The following NOL4L variants were observed in gnomAD, a reference collection of about 807,000 sequenced individuals.
The protein encoded by NOL4L is nucleolar protein 4-like.
NOL4L carries 7 observed loss-of-function variants against 64.5 expected under a neutral mutation model. The ratio of observed to expected loss-of-function variants is 0.11; its 90% CI spans 0.06 to 0.20. The LOEUF (loss-of-function observed/expected upper bound fraction) is 0.20, where lower values mean the gene tolerates loss of function less well. NOL4L is among the 10% of genes least tolerant of loss of function. The pLI, the probability that NOL4L is intolerant of heterozygous loss-of-function variation, is 1.00. For synonymous variants in NOL4L, 413 were observed against 401.0 expected (o/e 1.03, Z -0.36); for missense variants, 680 against 967.1 (o/e 0.70, Z 3.94).
chr20:32,477,124 A>G (rs948374361), intron 4 of NOL4L, among the ~76,000 whole-genome samples: 3 of 152,168 alleles, frequency 2.0e-5, no homozygotes, highest in African/African-American at 7.2e-5. Flanking sequence ...ACTCCACTCA[A>G]TACGCACACT....
chr20:32,496,970 G>A (rs1840646864), intron 4 of NOL4L, among the ~76,000 whole-genome samples: 6 of 146,426 alleles, frequency 4.1e-5, no homozygotes, highest in East Asian at 2.1e-4. Context: ...GGAGCTACCC[G>A]CCTGCCGGGA....
At chr20:32,465,655 T>C (rs902728041) in intron 5 of NOL4L, among the ~76,000 whole-genome samples, 2 of 152,202 alleles carry the variant, frequency 1.3e-5, no homozygotes, top group Non-Finnish European at 2.9e-5. Context: ...CAGGCCACCA[T>C]GTGTGAATGA....
chr20:32,556,452 C>G (rs1361341252), intron 1 of NOL4L, among the ~76,000 whole-genome samples: 1 of 152,192 alleles, frequency 6.6e-6, no homozygotes, highest in East Asian at 1.9e-4. Flanking sequence ...CTTCCTGATC[C>G]CCCATTCCAG....
intron 4 of NOL4L, among the ~76,000 whole-genome samples, chr20:32,507,349 C>T (rs1267366962): frequency 1.3e-5 from 2 of 152,156 alleles, no homozygotes; most frequent in Admixed American, 6.5e-5. Flanking sequence ...GGAGTCTAAC[C>T]CCCATAGCGG....
intron 4 of NOL4L, among the ~76,000 whole-genome samples, chr20:32,480,562 C>G (rs922464972): frequency 6.6e-6 from 1 of 152,160 alleles, no homozygotes; most frequent in Non-Finnish European, 1.5e-5. Flanking sequence ...CACCTGTAGG[C>G]CCCTTCCAGG....
At chr20:32,557,252 C>T (rs1600872208) in intron 1 of NOL4L, among the ~76,000 whole-genome samples, 1 of 152,252 alleles carries the variant, frequency 6.6e-6, no homozygotes, top group East Asian at 1.9e-4. Flanking sequence ...CCCTTGCAGT[C>T]CCATTGCCCC....
chr20:32,469,959 T>C (rs2014880626), intron 5 of NOL4L, among the ~76,000 whole-genome samples: 1 of 152,196 alleles, frequency 6.6e-6, no homozygotes, highest in East Asian at 1.9e-4. Context: ...GCCTGCACAG[T>C]GCGGGAGCCC....
intron 1 of NOL4L, among the ~76,000 whole-genome samples, chr20:32,575,289 T>G (rs1453620692): frequency 1.3e-5 from 2 of 151,986 alleles, no homozygotes; most frequent in Non-Finnish European, 2.9e-5. Flanking sequence ...ACTTGGCCAT[T>G]TACTCATCTC....
chr20:32,448,762 T>C (rs1272522511), intron 10 of NOL4L, among the ~76,000 whole-genome samples: 2 of 152,154 alleles, frequency 1.3e-5, no homozygotes, highest in African/African-American at 4.8e-5. Context: ...GTGTGCGTGT[T>C]GGGGAGGGGA....
intron 1 of NOL4L, among the ~76,000 whole-genome samples, chr20:32,545,645 G>A (rs2018721779): frequency 6.6e-6 from 1 of 152,054 alleles, no homozygotes; most frequent in Non-Finnish European, 1.5e-5. Context: ...CAAACACCCT[G>A]AAGGCATCCT....
intron 4 of NOL4L, among the ~76,000 whole-genome samples, chr20:32,488,721 T>G (rs1463436023): frequency 6.6e-6 from 1 of 151,754 alleles, no homozygotes; most frequent in Non-Finnish European, 1.5e-5. Context: ...TGTATTTCTT[T>G]TTCTTTCTTT....
chr20:32,543,501 C>G (rs891395717), intron 1 of NOL4L, among the ~76,000 whole-genome samples: 9 of 152,134 alleles, frequency 5.9e-5, no homozygotes, highest in African/African-American at 2.2e-4. Flanking sequence ...CACCTGTAAT[C>G]TCAGCAACTA....
chr20:32,446,129 G>A lies in NOL4L; in HGVS notation c.*1467C>T, dbSNP rs1307347005. ...AGCAGAGAGCTGCTGTCATGGCTAC[G>A]GAGTGTTGCACGGAGAGGCCCTGGG... On this transcript the variant is annotated 3_prime_UTR_variant, in exon 11 of 11. Transcript: ENST00000621426. 11 of 152,548 alleles carry A rather than the reference G, an allele frequency of 7.2e-5. No individual in the cohort carries two copies. Among genetic ancestry groups the A allele is most frequent in the Non-Finnish European group, 1.6e-4 (11 of 68,324 alleles). 9.4% of individuals were successfully genotyped at this position (152,548 alleles called of 1,614,324 possible).
rs1175303976 is a variant in NOL4L, at chr20:32,488,827, TTTTCTTTCTTTC to T, written c.700-14097_700-14086del. Among the ~76,000 whole-genome samples, 98 of 33,126 alleles carry T rather than the reference TTTTCTTTCTTTC, an allele frequency of 3.0e-3. 2 individuals carry two copies. The highest frequency in any genetic ancestry group is 4.9e-3 in the South Asian group (6 of 1,232). The allele number at this position is 33,126 out of a possible 152,430, so 21.7% of individuals were successfully genotyped here. On this transcript the variant is annotated intron_variant, in intron 4 of 10. Coordinates refer to ENST00000621426, the MANE Select transcript of NOL4L (RefSeq NM_001256798.2). ...TCTTTTTCTTTCTTTCTTTCTTTCT[TTTTCTTTCTTTC>T]TTTCTTTCTTTCTTTCTTTCTTTCT...
chr20:32,487,324 G>C (rs1301996458), intron 4 of NOL4L, among the ~76,000 whole-genome samples: 3 of 147,812 alleles, frequency 2.0e-5, no homozygotes, highest in African/African-American at 7.4e-5. Flanking sequence ...ACTCTTCTTA[G>C]ATCCTGTAGA....
intron 1 of NOL4L, chr20:32,535,292 C>T (rs1192257378): frequency 6.7e-6 from 1 of 150,304 alleles, no homozygotes; most frequent in Non-Finnish European, 1.5e-5. Flanking sequence ...AAAAAAAACC[C>T]TCCAAAATAG....
At chr20:32,575,296 T>TC (rs1980024385) in intron 1 of NOL4L, among the ~76,000 whole-genome samples, 1 of 151,964 alleles carries the variant, frequency 6.6e-6, no homozygotes, top group East Asian at 1.9e-4. Context: ...CATTTACTCA[T>TC]CTCCACTCCA....
chr20:32,445,485 T>C lies in NOL4L; in HGVS notation c.*2111A>G, dbSNP rs186352186. 86 of 152,318 alleles carry C rather than the reference T, an allele frequency of 5.6e-4. No individual in the cohort carries two copies. Among genetic ancestry groups the C allele is most frequent in the Admixed American group, 5.2e-3 (80 of 15,312 alleles). The allele number at this position is 152,318 out of a possible 1,614,324, so 9.4% of individuals were successfully genotyped here. On this transcript the variant is annotated 3_prime_UTR_variant, in exon 11 of 11. Transcript: ENST00000621426. ...TTAACATTAAGATTTTCACAAATAA[T>C]TGCCTGGGGTAACATTTTTGCAAAA... is the stretch of plus-strand genomic sequence containing the variant.
chr20:32,474,509 C>A, intron 5 of NOL4L, 92 bp downstream of exon 5: 1 of 1,465,166 alleles, frequency 6.8e-7, no homozygotes, highest in Non-Finnish European at 9.1e-7. Flanking sequence ...GATTCCGCCA[C>A]CCTGGAGTGT....
Sources: gnomAD v4.1 joint callset for allele counts (sites outside exome capture counted in the v4.1 genomes callset) on GRCh38, gnomAD v4.1.1 for gene constraint, MANE v1.5 for transcripts, NCBI Gene and HGNC (gene_info 2026-07-23, HGNC 2026-07-21) for gene names.